Variants in AASDHPPT observed in about 807,000 individuals in gnomAD.
The protein encoded by AASDHPPT is aminoadipate-semialdehyde dehydrogenase-phosphopantetheinyl transferase.
In AASDHPPT, 23 loss-of-function variants were observed where a neutral mutation model predicts 36.4. The ratio of observed to expected loss-of-function variants is 0.63; its 90% CI spans 0.45 to 0.89. AASDHPPT has a LOEUF of 0.89. Among genes scored for constraint, AASDHPPT ranks in the 40% least tolerant of loss-of-function variants. AASDHPPT has a pLI of 0.00. For missense variants in AASDHPPT, 377 were observed against 378.2 expected (o/e 1.00, Z 0.03); for synonymous variants, 115 against 128.0 (o/e 0.90, Z 0.68).
intron 4 of AASDHPPT, 22 bp from the exon 5 acceptor site, chr11:106,094,555 CTATATT>C: frequency 6.6e-7 from 1 of 1,515,126 alleles, no homozygotes; most frequent in South Asian, 1.2e-5. Context: ...ATTTTATAAT[CTATATT>C]TATTTACCTT....
At chr11:106,091,120 G>A (rs564998051) in intron 3 of AASDHPPT, among the ~76,000 whole-genome samples, 196 bp from the exon 4 acceptor site, 2 of 152,102 alleles carry the variant, frequency 1.3e-5, no homozygotes, top group South Asian at 2.1e-4. Flanking sequence ...ATACAGGCAC[G>A]GAGAGCTTAA....
rs1472946409 is a variant in AASDHPPT, at chr11:106,097,123, A to G, written c.*216A>G. ...CTTTCCTAAATTGCATTGAATTGAT[A>G]GGAAGGATGGCGGAATCTTAAAGTG... On this transcript the variant is annotated 3_prime_UTR_variant, in exon 6 of 6. Transcript: ENST00000278618. 2.3e-6 allele frequency: 1 copy of G among 435,116 alleles called. No individual in the cohort carries two copies. The highest frequency in any genetic ancestry group is 4.0e-5 in the South Asian group (1 of 24,954). 27.0% of individuals were successfully genotyped at this position (435,116 alleles called of 1,614,324 possible). A position where few individuals can be genotyped will look rare whatever the true frequency, so the allele number is the denominator to read the frequency against.
chr11:106,087,534 A>C (rs149214529), intron 2 of AASDHPPT, among the ~76,000 whole-genome samples: 2 of 152,084 alleles, frequency 1.3e-5, no homozygotes, highest in Non-Finnish European at 2.9e-5. Context: ...TGACCAGCCC[A>C]TTTTCCTAAA....
chr11:106,086,161 G>A (rs1440757846), intron 2 of AASDHPPT: 1 of 152,264 alleles, frequency 6.6e-6, no homozygotes, highest in African/African-American at 2.4e-5. Flanking sequence ...GTCTTAAAGT[G>A]ACCGAAAGCT....
intron 5 of AASDHPPT, 97 bp from the exon 6 acceptor site, chr11:106,096,646 G>C: frequency 3.1e-6 from 3 of 970,210 alleles, no homozygotes; most frequent in Non-Finnish European, 4.4e-6. Flanking sequence ...TAATACTACT[G>C]AAATGTAAGT....
At chr11:106,080,517 A>G (rs933025016) in intron 2 of AASDHPPT, among the ~76,000 whole-genome samples, 4 of 152,230 alleles carry the variant, frequency 2.6e-5, no homozygotes, top group Non-Finnish European at 5.9e-5. Context: ...AATTTAATAC[A>G]TACTAAATAC....
rs1861338432 is a variant in AASDHPPT at position 106,098,216 on chromosome 11, A to G, written c.*1309A>G. ...AATTTGTATTTCTTTCATTACAAAT[A>G]AGATTGTTATGTCAGTATTGTTATT... On this transcript the variant is annotated 3_prime_UTR_variant, in exon 6 of 6. Transcript: ENST00000278618. 6.6e-6 allele frequency: 1 copy of G among 152,178 alleles called. No homozygotes were observed. Among genetic ancestry groups the G allele is most frequent in the Non-Finnish European group, 1.5e-5 (1 of 68,006 alleles). The allele number at this position is 152,178 out of a possible 1,614,324, so 9.4% of individuals were successfully genotyped here. A position where few individuals can be genotyped will look rare whatever the true frequency, so the allele number is the denominator to read the frequency against.
chr11:106,087,520 A>G (rs1251168341), intron 2 of AASDHPPT, among the ~76,000 whole-genome samples: 1 of 152,106 alleles, frequency 6.6e-6, no homozygotes, highest in Non-Finnish European at 1.5e-5. Flanking sequence ...ACTTCCCTCA[A>G]AAATGACCAG....
intron 2 of AASDHPPT, among the ~76,000 whole-genome samples, chr11:106,089,107 A>G (rs1861229590): frequency 6.6e-6 from 1 of 152,070 alleles, no homozygotes; most frequent in Admixed American, 6.6e-5. Context: ...CGTGGTACCT[A>G]GCACTTGTAT....
At chr11:106,083,394 C>T (rs1032118653) in intron 2 of AASDHPPT, among the ~76,000 whole-genome samples, 2 of 152,198 alleles carry the variant, frequency 1.3e-5, no homozygotes, top group Non-Finnish European at 2.9e-5. Context: ...AACCACTGCT[C>T]TCTACAGTAT....
At chr11:106,093,474 T>A (rs914468896) in intron 4 of AASDHPPT, 2 of 152,192 alleles carry the variant, frequency 1.3e-5, no homozygotes, top group Non-Finnish European at 2.9e-5. Flanking sequence ...CAGACTTACT[T>A]TGCGATAACT....
At chr11:106,079,216 G>A (rs1861103352) in intron 1 of AASDHPPT, among the ~76,000 whole-genome samples, 1 of 152,166 alleles carries the variant, frequency 6.6e-6, no homozygotes, top group African/African-American at 2.4e-5. Context: ...TTTAAATACA[G>A]AAAAGACTGA....
At chr11:106,081,498 A>G (rs1257973410) in intron 2 of AASDHPPT, among the ~76,000 whole-genome samples, 1 of 152,188 alleles carries the variant, frequency 6.6e-6, no homozygotes, top group African/African-American at 2.4e-5. Flanking sequence ...AATTGCTGCT[A>G]TAGAGGATTC....
chr11:106,089,356 A>G (rs538678171), intron 2 of AASDHPPT, among the ~76,000 whole-genome samples: 1 of 152,170 alleles, frequency 6.6e-6, no homozygotes, highest in African/African-American at 2.4e-5. Flanking sequence ...TGGGAATTGG[A>G]GTAAGCCCAT....
intron 2 of AASDHPPT, among the ~76,000 whole-genome samples, chr11:106,087,722 A>C (rs935956572): frequency 1.3e-5 from 2 of 152,178 alleles, no homozygotes; most frequent in African/African-American, 4.8e-5. Context: ...AAAATAAAAC[A>C]TTAGTTGCTG....
intron 4 of AASDHPPT, 38 bp from the exon 5 acceptor site, chr11:106,094,545 A>G (rs749098652): frequency 4.1e-6 from 6 of 1,453,270 alleles, no homozygotes; most frequent in Admixed American, 4.0e-5. Context: ...AGGTTTACAT[A>G]TTTTATAATC....
intron 5 of AASDHPPT, among the ~76,000 whole-genome samples, chr11:106,096,310 T>A (rs1861312570): frequency 6.6e-6 from 1 of 152,210 alleles, no homozygotes; most frequent in East Asian, 1.9e-4. Flanking sequence ...TAAAGAAGTA[T>A]ACATCTCTGT....
intron 2 of AASDHPPT, among the ~76,000 whole-genome samples, chr11:106,084,075 A>T (rs77464880): frequency 0.019 from 2,882 of 152,262 alleles, 91 homozygotes; most frequent in African/African-American, 0.065. Context: ...AACAAATTCA[A>T]GCAGTCAGTA....
chr11:106,077,973 C>A, intron 1 of AASDHPPT, 80 bp downstream of exon 1: 2 of 1,492,316 alleles, frequency 1.3e-6, no homozygotes, highest in Non-Finnish European at 9.0e-7. Context: ...AGACCCGACA[C>A]TCCCGCGCTG....
Sources: allele counts gnomAD v4.1 joint callset (sites outside exome capture counted in the v4.1 genomes callset), GRCh38; gene constraint gnomAD v4.1.1; transcripts MANE v1.5; gene names NCBI Gene and HGNC (gene_info 2026-07-23, HGNC 2026-07-21).